PDE3A: variants seen among roughly 807,000 people sequenced by gnomAD.
PDE3A encodes the protein phosphodiesterase 3A, also known as cGMP-inhibited 3',5'-cyclic phosphodiesterase 3A.
PDE3A carries 43 observed loss-of-function variants against 98.3 expected under a neutral mutation model. The observed-to-expected ratio is 0.44, with a 90% CI of 0.34 to 0.56. The LOEUF (loss-of-function observed/expected upper bound fraction) is 0.56. PDE3A is among the 20% of genes least tolerant of loss of function. The pLI is 0.01. For synonymous variants in PDE3A, 663 were observed against 567.9 expected (o/e 1.17, Z -2.38); for missense variants, 1,427 against 1,440.7 (o/e 0.99, Z 0.15).
At chr12:20,373,425 G>A (rs1943515079) in intron 1 of PDE3A, among the ~76,000 whole-genome samples, 3 of 151,976 alleles carry the variant, frequency 2.0e-5, no homozygotes, top group Admixed American at 2.0e-4. Context: ...TATTATGCAT[G>A]ATTAATATGT....
chr12:20,620,001 A>G (rs1944095746), intron 4 of PDE3A, among the ~76,000 whole-genome samples: 1 of 152,046 alleles, frequency 6.6e-6, no homozygotes, highest in African/African-American at 2.4e-5. Flanking sequence ...TTCCTTTGAG[A>G]GGTCTATTAG....
intron 2 of PDE3A, among the ~76,000 whole-genome samples, chr12:20,600,276 A>G (rs1306584847): frequency 6.6e-6 from 1 of 152,156 alleles, no homozygotes; most frequent in African/African-American, 2.4e-5. Flanking sequence ...ACCCTCGTCC[A>G]AACTGATTCC....
chr12:20,646,593 C>T lies in PDE3A; in HGVS notation c.2355C>T (p.Thr785=), dbSNP rs1283291782. The T allele has an allele frequency of 6.4e-7, 1 of 1,574,362 alleles. No homozygotes were observed. Among genetic ancestry groups the T allele is most frequent in the South Asian group, 1.1e-5 (1 of 90,294 alleles). ...LSTVINDHGS[T]SDSDSDSGFT... ...CTGTGATTAATGATCATGGTTCAAC[C>T]AGTGATTCAGGTATGTACGAAGTGA... The change falls in exon 11 of 16, where the codon ACC becomes ACT. Residue 785 remains threonine (T), a synonymous_variant. Transcript: ENST00000359062.
intron 1 of PDE3A, among the ~76,000 whole-genome samples, chr12:20,452,755 C>G (rs958566396): frequency 1.3e-5 from 2 of 152,132 alleles, no homozygotes; most frequent in Admixed American, 6.5e-5. Flanking sequence ...GATCATTTGA[C>G]TTGAACTTAA....
At chr12:20,679,381 G>A (rs985484230) in intron 15 of PDE3A, among the ~76,000 whole-genome samples, 2 of 152,100 alleles carry the variant, frequency 1.3e-5, no homozygotes, top group African/African-American at 4.8e-5. Flanking sequence ...CTGAGTAGCT[G>A]GGACTACTGG....
rs1945861629 is a variant in PDE3A at position 20,683,692 on chromosome 12, A to T, written c.*3421A>T. 1.3e-5 allele frequency: 2 copies of T among 152,144 alleles called. No homozygotes were observed. The highest frequency in any genetic ancestry group is 6.6e-5 in the Admixed American group (1 of 15,258). The allele number at this position is 152,144 out of a possible 1,614,324, so 9.4% of individuals were successfully genotyped here. A position where few individuals can be genotyped will look rare whatever the true frequency, so the allele number is the denominator to read the frequency against. The stretch of plus-strand genomic sequence containing the variant: ...GTTTGGCTCTCAATAAAAGATGAAG[A>T]CAGTAGCTCTGTACAGGGATATATC... On this transcript the variant is annotated 3_prime_UTR_variant, in exon 16 of 16. Transcript: ENST00000359062.
Position 20,637,274 on chromosome 12 carries a change from G to T in PDE3A, c.2139+37G>T, listed in dbSNP as rs368068135. 1.7e-5 allele frequency: 25 copies of T among 1,493,232 alleles called. No individual in the cohort carries two copies. The South Asian group carries it at 2.9e-4, about 18-fold the overall frequency. The allele number at this position is 1,493,232 out of a possible 1,614,324, so 92.5% of individuals were successfully genotyped here. On this transcript the variant is annotated intron_variant, in intron 9 of 15. Transcript: ENST00000359062. ...ATTCATTCACACTAATTTAAATATA[G>T]GAAAAACAGTTCCTTTGTTGCTTAA...
At chr12:20,395,704 A>C (rs1038751934) in intron 1 of PDE3A, among the ~76,000 whole-genome samples, 3 of 148,202 alleles carry the variant, frequency 2.0e-5, no homozygotes, top group Non-Finnish European at 3.0e-5. Context: ...ATATATATAT[A>C]TCTCTAGCAA....
chr12:20,551,894 C>T lies in PDE3A; in HGVS notation c.961-4766C>T, dbSNP rs1428946568. On this transcript the variant is annotated intron_variant, in intron 1 of 15. Coordinates refer to ENST00000359062, the MANE Select transcript of PDE3A (RefSeq NM_000921.5). ...CCGTCCAACCACTACGGACCCATCC[C>T]GGGGATCCCCGTGGGCACCATGTGG... The T allele has an allele frequency of 5.0e-6, 8 of 1,613,366 alleles. No homozygotes were observed. The African/African-American group carries it at 6.7e-5, about 13-fold the overall frequency.
At chr12:20,474,027 A>G (rs1430154991) in intron 1 of PDE3A, among the ~76,000 whole-genome samples, 2 of 152,172 alleles carry the variant, frequency 1.3e-5, no homozygotes, top group African/African-American at 4.8e-5. Context: ...TAAATATGGT[A>G]TGTGCTTGTT....
At chr12:20,627,481 G>A (rs894894813) in intron 5 of PDE3A, among the ~76,000 whole-genome samples, 1 of 151,924 alleles carries the variant, frequency 6.6e-6, no homozygotes, top group Non-Finnish European at 1.5e-5. Flanking sequence ...CCCCAGGTAT[G>A]TCCCTCTTTC....
chr12:20,440,475 G>A (rs1565549885), intron 1 of PDE3A, among the ~76,000 whole-genome samples: 1 of 152,076 alleles, frequency 6.6e-6, no homozygotes, highest in Non-Finnish European at 1.5e-5. Context: ...AAAAGAACTG[G>A]GATAGGCTGT....
intron 15 of PDE3A, among the ~76,000 whole-genome samples, chr12:20,654,737 C>T (rs1326086386): frequency 2.2e-5 from 3 of 136,700 alleles, no homozygotes; most frequent in African/African-American, 8.1e-5. Flanking sequence ...TGGTCTCGAT[C>T]TCCTGACCTT....
intron 1 of PDE3A, among the ~76,000 whole-genome samples, chr12:20,395,148 C>T (rs934199776): frequency 1.3e-5 from 2 of 151,896 alleles, no homozygotes; most frequent in Non-Finnish European, 2.9e-5. Context: ...CCACTCTAGC[C>T]ACTTGTTAGC....
chr12:20,556,225 G>T (rs976350047), intron 1 of PDE3A, among the ~76,000 whole-genome samples: 1 of 152,004 alleles, frequency 6.6e-6, no homozygotes, highest in African/African-American at 2.4e-5. Flanking sequence ...GAACTCTCAA[G>T]ATTTTTATAG....
At chr12:20,462,609 T>C (rs1030280580) in intron 1 of PDE3A, among the ~76,000 whole-genome samples, 43 of 152,194 alleles carry the variant, frequency 2.8e-4, no homozygotes, top group African/African-American at 1.0e-3. Flanking sequence ...TAATTCTGAT[T>C]TGTTTGCTCT....
chr12:20,590,760 C>T (rs377365625), intron 2 of PDE3A, among the ~76,000 whole-genome samples: 2 of 152,132 alleles, frequency 1.3e-5, no homozygotes, highest in East Asian at 1.9e-4. Flanking sequence ...CAAAGATATG[C>T]AGATAGAATG....
At chr12:20,673,003 GA>G (rs1226980436) in intron 15 of PDE3A, among the ~76,000 whole-genome samples, 1 of 151,166 alleles carries the variant, frequency 6.6e-6, no homozygotes, top group African/African-American at 2.4e-5. Flanking sequence ...AAATTTACAA[GA>G]AAAAAACAAA....
intron 15 of PDE3A, among the ~76,000 whole-genome samples, chr12:20,674,016 G>A (rs1945567714): frequency 6.6e-6 from 1 of 151,918 alleles, no homozygotes; most frequent in Non-Finnish European, 1.5e-5. Flanking sequence ...GATTTTTGTA[G>A]TTTTCCATGT....
Sources: gnomAD v4.1 joint callset for allele counts (sites outside exome capture counted in the v4.1 genomes callset) on GRCh38, gnomAD v4.1.1 for gene constraint, MANE v1.5 for transcripts, NCBI Gene and HGNC (gene_info 2026-07-23, HGNC 2026-07-21) for gene names.